The following VAMP3 variants were observed in gnomAD, a reference collection of about 807,000 sequenced individuals.
VAMP3 encodes the protein vesicle-associated membrane protein 3.
VAMP3 carries 11 observed loss-of-function variants against 18.1 expected under a neutral mutation model. That is an observed-to-expected ratio of 0.61 (90% CI 0.38 to 1.00). The LOEUF (loss-of-function observed/expected upper bound fraction) is 1.00, where lower values mean the gene tolerates loss of function less well. Ranked by LOEUF, VAMP3 falls within the 50% of genes least tolerant of loss-of-function variation. The probability of loss-of-function intolerance (pLI) is 0.01; values close to 1 mark genes in which losing one functional copy is unlikely to be tolerated. For missense variants in VAMP3, 122 were observed against 127.3 expected (o/e 0.96, Z 0.20); for synonymous variants, 49 against 43.1 (o/e 1.14, Z -0.53).
In VAMP3 at chr1:7,780,507, G is replaced by A. The variant is rs1232343376; in HGVS notation, c.*862G>A. 2.6e-5 allele frequency: 4 copies of A among 152,552 alleles called. No homozygotes were observed. The East Asian group carries it at 7.5e-4, about 29-fold the overall frequency. The allele number at this position is 152,552 out of a possible 1,614,324, so 9.4% of individuals were successfully genotyped here. On this transcript the variant is annotated 3_prime_UTR_variant, in exon 5 of 5. Transcript: ENST00000054666. Reference sequence around the variant, plus strand: ...CTGTAGACAGTGTGGCTCCCCTTCTGATTCAGTATTTTGCATGGGGGTTAG... The same window carrying A: ...CTGTAGACAGTGTGGCTCCCCTTCTAATTCAGTATTTTGCATGGGGGTTAG...
At chr1:7,777,422 T>A in intron 3 of VAMP3, 104 bp downstream of exon 3, 1 of 1,406,510 alleles carries the variant, frequency 7.1e-7, no homozygotes, top group Non-Finnish European at 9.5e-7. Context: ...GAGGTGGGTT[T>A]GACTTCCTCC....
intron 1 of VAMP3, among the ~76,000 whole-genome samples, chr1:7,772,286 C>T (rs751602307): frequency 2.6e-5 from 4 of 152,226 alleles, no homozygotes; most frequent in Non-Finnish European, 5.9e-5. Flanking sequence ...AGATACTAAA[C>T]TCCGTGAGGA....
intron 2 of VAMP3, 134 bp downstream of exon 2, chr1:7,773,645 C>T: frequency 1.2e-6 from 1 of 856,248 alleles, no homozygotes; most frequent in Non-Finnish European, 1.8e-6. Context: ...CGAAACTTTG[C>T]TCCCTGCTGT....
intron 1 of VAMP3, among the ~76,000 whole-genome samples, chr1:7,771,643 C>T (rs943084752): frequency 6.6e-6 from 1 of 152,222 alleles, no homozygotes. Context: ...AGTGAGCTGC[C>T]CGCCCGCAGC....
Position 7,777,354 on chromosome 1 carries a change from C to A in VAMP3, c.231+36C>A, listed in dbSNP as rs200252585. On this transcript the variant is annotated intron_variant, in intron 3 of 4. Coordinates refer to ENST00000054666, the MANE Select transcript of VAMP3 (RefSeq NM_004781.4). The stretch of plus-strand genomic sequence containing the variant: ...TTTAACTGACCTTTACATTTAACCC[C>A]CCTTCTCCATTCTCAGAGAATTAAC... 3.9e-4 allele frequency: 618 copies of A among 1,583,414 alleles called. 1 individual carries two copies. The highest frequency in any genetic ancestry group is 4.2e-4 in the Non-Finnish European group (492 of 1,161,486).
At chr1:7,775,033 G>C (rs1437306803) in intron 2 of VAMP3, among the ~76,000 whole-genome samples, 2 of 152,140 alleles carry the variant, frequency 1.3e-5, no homozygotes, top group Non-Finnish European at 2.9e-5. Flanking sequence ...ATGTCCAAGA[G>C]TTCCTGTTTC....
intron 3 of VAMP3, 69 bp from the exon 4 acceptor site, chr1:7,778,049 T>C: frequency 6.6e-7 from 1 of 1,525,042 alleles, no homozygotes; most frequent in Non-Finnish European, 9.1e-7. Flanking sequence ...ATGAATATTA[T>C]ATAATACTCT....
At chr1:7,776,441 A>C (rs1455931512) in intron 2 of VAMP3, 5 of 152,172 alleles carry the variant, frequency 3.3e-5, no homozygotes, top group Non-Finnish European at 7.3e-5. Context: ...TTTTATATAG[A>C]GAGAATCATC....
intron 1 of VAMP3, 110 bp downstream of exon 1, chr1:7,771,495 G>C: frequency 1.5e-6 from 2 of 1,311,718 alleles, no homozygotes; most frequent in Non-Finnish European, 2.0e-6. Flanking sequence ...CGCAGGCCGG[G>C]GCTGCGCGGG....
intron 2 of VAMP3, among the ~76,000 whole-genome samples, chr1:7,774,232 T>C (rs545139337): frequency 6.6e-6 from 1 of 152,362 alleles, no homozygotes; most frequent in South Asian, 2.1e-4. Flanking sequence ...TTAAATAATA[T>C]AGTAATGTTT....
At chr1:7,778,287 G>A in intron 4 of VAMP3, 118 bp downstream of exon 4, 1 of 1,268,196 alleles carries the variant, frequency 7.9e-7, no homozygotes, top group Non-Finnish European at 1.1e-6. Context: ...TTTTGGCTAG[G>A]TGCGGTGACT....
chr1:7,771,486 G>T, intron 1 of VAMP3, 101 bp downstream of exon 1: 2 of 1,344,440 alleles, frequency 1.5e-6, no homozygotes, highest in Non-Finnish European at 1.9e-6. Flanking sequence ...CCACTCGGAC[G>T]CAGGCCGGGG....
chr1:7,773,276 A>G, intron 1 of VAMP3, 166 bp from the exon 2 acceptor site: 2 of 596,642 alleles, frequency 3.4e-6, no homozygotes, highest in Non-Finnish European at 6.0e-6. Flanking sequence ...ATTAGAAGAA[A>G]TGCAATTAAA....
chr1:7,778,940 A>G (rs2097055709), intron 4 of VAMP3, among the ~76,000 whole-genome samples: 1 of 152,360 alleles, frequency 6.6e-6, no homozygotes, highest in East Asian at 1.9e-4. Context: ...GCACGCCTGT[A>G]ATCCCAGCAC....
chr1:7,776,119 C>G (rs922504838), intron 2 of VAMP3, among the ~76,000 whole-genome samples: 1 of 152,140 alleles, frequency 6.6e-6, no homozygotes, highest in Admixed American at 6.5e-5. Context: ...GGAGTACTGC[C>G]CTCTTAGCAA....
chr1:7,775,642 C>T (rs943409863), intron 2 of VAMP3, among the ~76,000 whole-genome samples: 1 of 152,210 alleles, frequency 6.6e-6, no homozygotes, highest in African/African-American at 2.4e-5. Context: ...AGCCACCGCA[C>T]CTGGCCTGAT....
rs1052228435 is a variant in VAMP3 at position 7,781,318 on chromosome 1, G to C, written c.*1673G>C. The C allele has an allele frequency of 6.5e-6, 1 of 152,922 alleles. No individual in the cohort carries two copies. Among genetic ancestry groups the C allele is most frequent in the African/African-American group, 2.4e-5 (1 of 41,474 alleles). 9.5% of individuals were successfully genotyped at this position (152,922 alleles called of 1,614,324 possible). On this transcript the variant is annotated 3_prime_UTR_variant, in exon 5 of 5. Coordinates refer to ENST00000054666, the MANE Select transcript of VAMP3 (RefSeq NM_004781.4). Reference sequence around the variant, plus strand: ...ACTCGCCCCTTGGCCACAGTGCCCAGACCCATGTAACCCACTGGCTCCTGC... The same window carrying C: ...ACTCGCCCCTTGGCCACAGTGCCCACACCCATGTAACCCACTGGCTCCTGC...
intron 1 of VAMP3, among the ~76,000 whole-genome samples, chr1:7,771,710 ACAG>A (rs1169164343): frequency 1.3e-5 from 2 of 152,212 alleles, no homozygotes; most frequent in Non-Finnish European, 2.9e-5. Flanking sequence ...AATGGGGACG[ACAG>A]CCCTGGTTCG....
chr1:7,779,512 C>T, intron 4 of VAMP3, 114 bp from the exon 5 acceptor site: 2 of 1,448,824 alleles, frequency 1.4e-6, no homozygotes, highest in South Asian at 2.4e-5. Context: ...GGAAATCAGC[C>T]CAGTCTAATT....
Sources: gnomAD v4.1 joint callset for allele counts (sites outside exome capture counted in the v4.1 genomes callset) on GRCh38, gnomAD v4.1.1 for gene constraint, MANE v1.5 for transcripts, NCBI Gene and HGNC (gene_info 2026-07-23, HGNC 2026-07-21) for gene names.